The following LINGO2 variants were observed in gnomAD, a reference collection of about 807,000 sequenced individuals.
LINGO2 encodes leucine-rich repeat and immunoglobulin-like domain-containing nogo receptor-interacting protein 2.
LINGO2 carries 14 observed loss-of-function variants against 30.6 expected under a neutral mutation model. The ratio of observed to expected loss-of-function variants is 0.46; its 90% CI spans 0.30 to 0.72. The LOEUF (loss-of-function observed/expected upper bound fraction) is 0.72, where lower values mean the gene tolerates loss of function less well. Among genes scored for constraint, LINGO2 ranks in the 30% least tolerant of loss-of-function variants. LINGO2 has a pLI of 0.07. For missense variants in LINGO2, 729 were observed against 751.7 expected, an observed-to-expected ratio of 0.97 and a Z score of 0.35; for synonymous variants, 317 against 288.5, an observed-to-expected ratio of 1.10 and a Z score of -1.00.
At chr9:29,018,425 G>A in the LINGO2 span, among the ~76,000 whole-genome samples, 3 of 151,732 alleles carry the variant, frequency 2.0e-5, no homozygotes, top group Non-Finnish European at 2.9e-5. Flanking sequence ...CCCATGTAAC[G>A]AACTTCTACA....
At chr9:28,711,256 T>A in the LINGO2 span, among the ~76,000 whole-genome samples, 1 of 152,154 alleles carries the variant, frequency 6.6e-6, no homozygotes, top group African/African-American at 2.4e-5. Flanking sequence ...AATCTATATT[T>A]TAGGGCTAAC....
chr9:27,995,664 T>C (rs796256553), intron 5 of LINGO2, among the ~76,000 whole-genome samples: 2 of 152,294 alleles, frequency 1.3e-5, no homozygotes, highest in African/African-American at 4.8e-5. Flanking sequence ...TTTACATCAC[T>C]GCATGGTAAA....
At chr9:28,906,848 T>A in the LINGO2 span, among the ~76,000 whole-genome samples, 2 of 151,872 alleles carry the variant, frequency 1.3e-5, no homozygotes, top group Admixed American at 1.3e-4. Flanking sequence ...TACAAGGTAC[T>A]CTCTGAATCA....
the LINGO2 span, among the ~76,000 whole-genome samples, chr9:29,083,982 A>C: frequency 1.3e-5 from 2 of 152,054 alleles, no homozygotes; most frequent in Non-Finnish European, 2.9e-5. Context: ...TACCTGGTGT[A>C]CAATCTTTCC....
At chr9:28,060,647 G>A (rs182214365) in intron 4 of LINGO2, among the ~76,000 whole-genome samples, 167 of 152,248 alleles carry the variant, frequency 1.1e-3, no homozygotes, top group African/African-American at 3.9e-3. Flanking sequence ...CCTGCCCTCT[G>A]TGTGCTCCAT....
intron 4 of LINGO2, among the ~76,000 whole-genome samples, chr9:28,061,617 A>T (rs1825148066): frequency 6.6e-6 from 1 of 152,120 alleles, no homozygotes; most frequent in Non-Finnish European, 1.5e-5. Flanking sequence ...CCCATGCACC[A>T]TGGGTACAGG....
At chr9:28,886,235 T>C in the LINGO2 span, among the ~76,000 whole-genome samples, 1 of 152,082 alleles carries the variant, frequency 6.6e-6, no homozygotes, top group Non-Finnish European at 1.5e-5. Flanking sequence ...GCAGAGAAGA[T>C]AAAACATTGA....
At chr9:27,993,083 T>G (rs557451829) in intron 5 of LINGO2, among the ~76,000 whole-genome samples, 1 of 152,260 alleles carries the variant, frequency 6.6e-6, no homozygotes, top group South Asian at 2.1e-4. Context: ...TGCAAAATAT[T>G]GACTAATATG....
At chr9:28,915,333 A>T in the LINGO2 span, among the ~76,000 whole-genome samples, 1 of 152,152 alleles carries the variant, frequency 6.6e-6, no homozygotes, top group Non-Finnish European at 1.5e-5. Flanking sequence ...TGTTCATTTG[A>T]AACACCTGCA....
At chr9:28,031,863 AC>A (rs1046555781) in intron 4 of LINGO2, among the ~76,000 whole-genome samples, 2 of 152,158 alleles carry the variant, frequency 1.3e-5, no homozygotes, top group Non-Finnish European at 2.9e-5. Flanking sequence ...GTTGGGTAAA[AC>A]CACGCTTCAC....
intron 1 of LINGO2, among the ~76,000 whole-genome samples, chr9:28,489,714 T>C (rs927841594): frequency 2.6e-5 from 4 of 151,516 alleles, no homozygotes; most frequent in African/African-American, 9.7e-5. Flanking sequence ...CTGGCCAACA[T>C]GGGACACTCT....
the LINGO2 span, among the ~76,000 whole-genome samples, chr9:28,930,476 T>C: frequency 1.3e-5 from 2 of 152,150 alleles, no homozygotes; most frequent in Non-Finnish European, 2.9e-5. This position sits in a 1 kb window ranked among gnomAD's most constrained non-coding sequence, Gnocchi z 4.2. Flanking sequence ...TTCCAAGCAA[T>C]CAAAAAATGA....
chr9:28,141,292 G>A (rs1827664927), intron 4 of LINGO2, among the ~76,000 whole-genome samples: 1 of 152,156 alleles, frequency 6.6e-6, no homozygotes, highest in African/African-American at 2.4e-5. Flanking sequence ...CTTTCCTTCA[G>A]TGGGCAGAAT....
At chr9:28,661,989 CCA>C (rs1313471316) in intron 1 of LINGO2, among the ~76,000 whole-genome samples, 2 of 152,140 alleles carry the variant, frequency 1.3e-5, no homozygotes, top group African/African-American at 2.4e-5. Flanking sequence ...TGCTCAAACG[CCA>C]CACACAGCAT....
chr9:28,539,323 A>C (rs552157745), intron 1 of LINGO2, among the ~76,000 whole-genome samples: 1 of 152,302 alleles, frequency 6.6e-6, no homozygotes, highest in African/African-American at 2.4e-5. Context: ...CTGGCACATA[A>C]TAGGCATTCA....
At chr9:28,592,250 A>G (rs1824948635) in intron 1 of LINGO2, among the ~76,000 whole-genome samples, 2 of 152,150 alleles carry the variant, frequency 1.3e-5, no homozygotes, top group Admixed American at 6.6e-5. Flanking sequence ...TTAATGAAAC[A>G]CATAAAAGAA....
At chr9:28,511,954 G>A (rs1156719106) in intron 1 of LINGO2, among the ~76,000 whole-genome samples, 1 of 152,106 alleles carries the variant, frequency 6.6e-6, no homozygotes, top group Non-Finnish European at 1.5e-5. Flanking sequence ...TGTGAACCAG[G>A]CCCTAGTCTT....
intron 5 of LINGO2, among the ~76,000 whole-genome samples, chr9:28,011,574 T>G (rs763977852): frequency 2.6e-5 from 4 of 152,176 alleles, no homozygotes; most frequent in African/African-American, 7.2e-5. Flanking sequence ...ACTTTAGCAG[T>G]AGAAGGTCAG....
intron 2 of LINGO2, among the ~76,000 whole-genome samples, chr9:28,468,903 A>G (rs1825414095): frequency 6.6e-6 from 1 of 152,134 alleles, no homozygotes; most frequent in Non-Finnish European, 1.5e-5. Context: ...AAAGCATTCA[A>G]AGAGATAGGG....
Sources: gnomAD v4.1 joint callset for allele counts (sites outside exome capture counted in the v4.1 genomes callset) on GRCh38, gnomAD v4.1.1 for gene constraint, Gnocchi (gnomAD v3.1) non-coding constraint, MANE v1.5 for transcripts, NCBI Gene and HGNC (gene_info 2026-07-23, HGNC 2026-07-21) for gene names.